KREMEN1: variants seen among roughly 807,000 people sequenced by gnomAD.
KREMEN1 encodes kremen protein 1.
A neutral mutation model predicts 46.5 loss-of-function variants in KREMEN1; 30 were observed. The ratio of observed to expected loss-of-function variants is 0.65; its 90% CI spans 0.48 to 0.88. The LOEUF is 0.88. Among genes scored for constraint, KREMEN1 ranks in the 40% least tolerant of loss-of-function variants. The probability of loss-of-function intolerance (pLI) is 0.00; values close to 1 mark genes in which losing one functional copy is unlikely to be tolerated. For missense variants in KREMEN1, 533 were observed against 596.9 expected, an observed-to-expected ratio of 0.89 and a Z score of 1.11; for synonymous variants, 214 against 230.6, an observed-to-expected ratio of 0.93 and a Z score of 0.65.
At chr22:29,150,586 C>T (rs1406675605), downstream of KREMEN1, among the ~76,000 whole-genome samples, 1 of 152,164 alleles carries the variant, frequency 6.6e-6, no homozygotes, top group Non-Finnish European at 1.5e-5. Context: ...GAGGGTCGTG[C>T]TTCTTTGCAT....
At chr22:29,133,656 T>TG (rs1301453605) in intron 5 of KREMEN1, among the ~76,000 whole-genome samples, 2 of 152,018 alleles carry the variant, frequency 1.3e-5, no homozygotes, top group Admixed American at 6.5e-5. Flanking sequence ...GTCTGTTTTT[T>TG]TTTGTTTGTT....
At chr22:29,089,884 T>G (rs1211505333) in intron 1 of KREMEN1, among the ~76,000 whole-genome samples, 1 of 152,238 alleles carries the variant, frequency 6.6e-6, no homozygotes, top group Non-Finnish European at 1.5e-5. Context: ...TCACTGGGTT[T>G]GCTTCCTCCC....
At chr22:29,096,749 G>A (rs1332618507) in intron 2 of KREMEN1, among the ~76,000 whole-genome samples, 2 of 151,324 alleles carry the variant, frequency 1.3e-5, no homozygotes, top group East Asian at 2.0e-4. Context: ...TTTTGACATT[G>A]ATAATAAACA....
chr22:29,139,845 C>T (rs1359664119), intron 7 of KREMEN1, among the ~76,000 whole-genome samples: 1 of 152,152 alleles, frequency 6.6e-6, no homozygotes, highest in African/African-American at 2.4e-5. Context: ...GGGAGAAGGG[C>T]CTGTCCAGCA....
chr22:29,146,763 GA>G lies in KREMEN1; in HGVS notation c.*4657del. On this transcript the variant is annotated 3_prime_UTR_variant, in exon 9 of 9. Coordinates refer to ENST00000400335, the MANE Select transcript of KREMEN1 (RefSeq NM_001039570.3). ...AATGTAATGGTACTTTTACAAACGAGAAAAAATGTTATTTTTACTTTCTGGA... is the reference window on the plus strand; with the variant it reads ...AATGTAATGGTACTTTTACAAACGAGAAAAATGTTATTTTTACTTTCTGGA... The G allele has an allele frequency of 1.0e-6, 1 of 954,340 alleles. No individual in the cohort carries two copies. The highest frequency in any genetic ancestry group is 1.2e-6 in the Non-Finnish European group (1 of 801,416). The allele number at this position is 954,340 out of a possible 1,614,324, so 59.1% of individuals were successfully genotyped here.
At chr22:29,113,500 C>A (rs558294950) in intron 3 of KREMEN1, among the ~76,000 whole-genome samples, 1 of 152,306 alleles carries the variant, frequency 6.6e-6, no homozygotes, top group Non-Finnish European at 1.5e-5. Context: ...ATAATGATGA[C>A]AAACACTATT....
chr22:29,157,144 G>GC (rs132293), intron 9 of KREMEN1, among the ~76,000 whole-genome samples: 152,356 of 152,356 alleles, frequency 1, 76,178 homozygotes, highest in Non-Finnish European at 1. Flanking sequence ...ACTATGCCAA[G>GC]TCAGAGGAGC....
chr22:29,156,096 A>C (rs2038959154), intron 9 of KREMEN1, among the ~76,000 whole-genome samples: 1 of 152,234 alleles, frequency 6.6e-6, no homozygotes, highest in Non-Finnish European at 1.5e-5. Flanking sequence ...GCACTGAGGA[A>C]CACTGCTTCC....
intron 5 of KREMEN1, among the ~76,000 whole-genome samples, chr22:29,134,429 T>C (rs984441941): frequency 9.2e-5 from 14 of 152,144 alleles, no homozygotes; most frequent in East Asian, 3.9e-4. Context: ...AGTGTTGGGA[T>C]TACAGGCATG....
intron 1 of KREMEN1, among the ~76,000 whole-genome samples, chr22:29,075,919 C>CTGACTTT (rs2037562748): frequency 6.6e-6 from 1 of 152,090 alleles, no homozygotes; most frequent in African/African-American, 2.4e-5. Flanking sequence ...GCTCATTCCC[C>CTGACTTT]ATCAATCCTA....
At chr22:29,139,466 G>C (rs746979873) in intron 7 of KREMEN1, among the ~76,000 whole-genome samples, 2 of 152,092 alleles carry the variant, frequency 1.3e-5, no homozygotes, top group African/African-American at 4.8e-5. Context: ...ATCTGGGTGT[G>C]GTGGTGCACG....
intron 1 of KREMEN1, among the ~76,000 whole-genome samples, chr22:29,091,234 A>T (rs2037800587): frequency 6.6e-6 from 1 of 152,156 alleles, no homozygotes; most frequent in Non-Finnish European, 1.5e-5. Context: ...CGGCCTCCCA[A>T]AGTGCTGGGA....
At chr22:29,162,102 G>T (rs2039016872) in intron 9 of KREMEN1, among the ~76,000 whole-genome samples, 1 of 150,370 alleles carries the variant, frequency 6.7e-6, no homozygotes, top group Non-Finnish European at 1.5e-5. Context: ...GAATAACAGA[G>T]CGAGACTCTA....
At chr22:29,081,606 T>G (rs2037657009) in intron 1 of KREMEN1, among the ~76,000 whole-genome samples, 1 of 152,188 alleles carries the variant, frequency 6.6e-6, no homozygotes, top group Non-Finnish European at 1.5e-5. Context: ...GCTCTTATTC[T>G]TATTGCTCCA....
chr22:29,073,255 G>A lies in KREMEN1; in HGVS notation c.97+28G>A, dbSNP rs2037502324. On this transcript the variant is annotated intron_variant, in intron 1 of 8. Transcript: ENST00000400335. This position sits in a 1 kb window ranked among gnomAD's most constrained non-coding sequence, Gnocchi z 4.4. Reference sequence around the variant, plus strand: ...GAGTGTGAGCGACCCCCCGCCGCCCGCCCTGAGCGGAGCCCACTCGAGGGG... The same window carrying A: ...GAGTGTGAGCGACCCCCCGCCGCCCACCCTGAGCGGAGCCCACTCGAGGGG... 1 of 1,035,232 alleles carries A rather than the reference G, an allele frequency of 9.7e-7. No individual in the cohort carries two copies. Among genetic ancestry groups the A allele is most frequent in the African/African-American group, 1.7e-5 (1 of 59,134 alleles). The allele number at this position is 1,035,232 out of a possible 1,614,324, so 64.1% of individuals were successfully genotyped here. A position where few individuals can be genotyped will look rare whatever the true frequency, so the allele number is the denominator to read the frequency against.
intron 1 of KREMEN1, among the ~76,000 whole-genome samples, chr22:29,078,454 A>G (rs1287306195): frequency 6.6e-6 from 1 of 150,806 alleles, no homozygotes; most frequent in Non-Finnish European, 1.5e-5. Context: ...AGCAGGTGGC[A>G]CCAGCCCTGA....
intron 3 of KREMEN1, among the ~76,000 whole-genome samples, chr22:29,105,525 C>G (rs1353523623): frequency 7.1e-6 from 1 of 141,568 alleles, no homozygotes; most frequent in Non-Finnish European, 1.6e-5. Flanking sequence ...TGATGAATTC[C>G]AAGCAAGTTG....
chr22:29,123,652 C>T (rs776181806), intron 4 of KREMEN1, among the ~76,000 whole-genome samples: 43 of 152,068 alleles, frequency 2.8e-4, no homozygotes, highest in Admixed American at 1.7e-3. Context: ...ATTAGCTGGG[C>T]GTGGTAGCAC....
Position 29,164,671 on chromosome 22 carries a change from G to A in KREMEN1, c.1417-2373G>A, listed in dbSNP as rs371288429. Among the ~76,000 whole-genome samples, 270 of 151,046 alleles carry A rather than the reference G, an allele frequency of 1.8e-3. 1 individual carries two copies. The highest frequency in any genetic ancestry group is 6.2e-3 in the African/African-American group (255 of 41,080). On this transcript the variant is annotated intron_variant, in intron 9 of 9. Coordinates refer to the KREMEN1 transcript ENST00000327813. The stretch of plus-strand genomic sequence containing the variant: ...TGAGGCAGGAGAATCACTTGAACCC[G>A]GGAGGCAGAGGTTGCAGTGAGCCAA...
Sources: allele counts gnomAD v4.1 joint callset (sites outside exome capture counted in the v4.1 genomes callset), GRCh38; gene constraint gnomAD v4.1.1; non-coding constraint Gnocchi (gnomAD v3.1); transcripts MANE v1.5; gene names NCBI Gene and HGNC (gene_info 2026-07-23, HGNC 2026-07-21).